Variants in TMC2 observed in about 807,000 individuals in gnomAD.
TMC2 encodes the protein transmembrane channel like 2.
A neutral mutation model predicts 105.9 loss-of-function variants in TMC2; 102 were observed. The observed-to-expected ratio is 0.96, with a 90% CI of 0.82 to 1.14. TMC2 has a LOEUF of 1.14. Ranked by LOEUF, TMC2 falls within the 50% of genes most tolerant of loss-of-function variation. The pLI is 0.00. For synonymous variants in TMC2, 402 were observed against 422.8 expected (o/e 0.95, Z 0.60); for missense variants, 1,093 against 1,134.3 (o/e 0.96, Z 0.52).
Position 2,643,226 on chromosome 20 carries a change from C to G in TMC2, c.*1875C>G, listed in dbSNP as rs4815449. Reference sequence around the variant, plus strand: ...CTGCCTGTGTGTCATATGCCTTCCCCCAAGCTAACCTACCTGAAACCTCAG... The same window carrying G: ...CTGCCTGTGTGTCATATGCCTTCCCGCAAGCTAACCTACCTGAAACCTCAG... On this transcript the variant is annotated 3_prime_UTR_variant, in exon 20 of 20. Transcript: ENST00000358864. 0.62 allele frequency among the ~76,000 whole-genome samples: 93,580 copies of G among 151,962 alleles called. 29,199 individuals are homozygous for G. Among genetic ancestry groups the G allele is most frequent in the East Asian group, 0.86 (4,419 of 5,164 alleles).
intron 2 of TMC2, among the ~76,000 whole-genome samples, chr20:2,557,013 C>T (rs1718581689): frequency 6.6e-6 from 1 of 151,792 alleles, no homozygotes; most frequent in Non-Finnish European, 1.5e-5. Flanking sequence ...AAGATTTTAT[C>T]TTTGTCTTTG....
chr20:2,537,048 G>GTCTC (rs2085854587), intron 1 of TMC2, among the ~76,000 whole-genome samples: 1 of 152,194 alleles, frequency 6.6e-6, no homozygotes, highest in Admixed American at 6.5e-5. Flanking sequence ...CTCTGTCTCT[G>GTCTC]TGCAGGGCAG....
chr20:2,621,133 C>T (rs985306044), intron 16 of TMC2, among the ~76,000 whole-genome samples: 6 of 151,986 alleles, frequency 3.9e-5, no homozygotes, highest in South Asian at 2.1e-4. Flanking sequence ...GAGGCTGAGG[C>T]GGGCAGATCA....
intron 3 of TMC2, among the ~76,000 whole-genome samples, chr20:2,560,698 G>A (rs568004967): frequency 5.3e-5 from 8 of 152,274 alleles, no homozygotes; most frequent in East Asian, 1.9e-4. Flanking sequence ...TTAGCCAGGC[G>A]TGGTGGCGGG....
At chr20:2,552,608 C>G (rs904113655) in intron 2 of TMC2, among the ~76,000 whole-genome samples, 6 of 152,108 alleles carry the variant, frequency 3.9e-5, no homozygotes, top group Non-Finnish European at 7.4e-5. Context: ...GTCCACCTCA[C>G]GAGTTCAAGG....
At chr20:2,557,812 C>T (rs963658389) in intron 2 of TMC2, among the ~76,000 whole-genome samples, 2 of 152,140 alleles carry the variant, frequency 1.3e-5, no homozygotes, top group Non-Finnish European at 2.9e-5. Context: ...GATGAAAGTG[C>T]GCCCCCACCA....
At chr20:2,536,779 T>G in intron 1 of TMC2, 124 bp downstream of exon 1, 16 of 1,042,024 alleles carry the variant, frequency 1.5e-5, no homozygotes, top group Non-Finnish European at 1.9e-5. Flanking sequence ...CCAGGGCCTG[T>G]CCCCTGTGCG....
intron 7 of TMC2, among the ~76,000 whole-genome samples, chr20:2,588,007 T>C (rs1393485202): frequency 1.3e-5 from 2 of 148,998 alleles, no homozygotes; most frequent in African/African-American, 5.2e-5. Flanking sequence ...CTCAATCTTG[T>C]ATAATCCCCC....
chr20:2,539,867 GAGA>G (rs1334577769), intron 2 of TMC2, among the ~76,000 whole-genome samples: 3 of 152,142 alleles, frequency 2.0e-5, no homozygotes, highest in South Asian at 2.1e-4. Context: ...CACAGGGAGT[GAGA>G]AGAAGAAAGA....
At chr20:2,582,170 A>C (rs1165444686) in intron 7 of TMC2, among the ~76,000 whole-genome samples, 2 of 152,232 alleles carry the variant, frequency 1.3e-5, no homozygotes, top group Admixed American at 6.5e-5. Flanking sequence ...TGCACGGACA[A>C]GTCTTGATGA....
Position 2,616,311 on chromosome 20 carries a change from G to C in TMC2, c.1940+107G>C. 1 of 907,734 alleles carries C rather than the reference G, an allele frequency of 1.1e-6. No homozygotes were observed. Among genetic ancestry groups the C allele is most frequent in the Non-Finnish European group, 1.8e-6 (1 of 546,126 alleles). 56.2% of individuals were successfully genotyped at this position (907,734 alleles called of 1,614,324 possible). A position where few individuals can be genotyped will look rare whatever the true frequency, so the allele number is the denominator to read the frequency against. On this transcript the variant is annotated intron_variant, in intron 15 of 19. Transcript: ENST00000358864. The surrounding 1 kb of genome is among the most constrained non-coding windows in gnomAD (Gnocchi z 4.8). ...TGGAAGAGGCTAGATAAGTCCTCTT[G>C]CCTCTCTGAACTCCCCTCTTTCACA...
rs1039093259 is a variant in TMC2 at position 2,558,139 on chromosome 20, C to T, written c.83-317C>T. On this transcript the variant is annotated intron_variant, in intron 2 of 19. Transcript: ENST00000358864. This position sits in a 1 kb window ranked among gnomAD's most constrained non-coding sequence, Gnocchi z 4.6. ...GGGGAAGTAGCAAGGCCTGTTTGTT[C>T]CGATTCCTCTTGGCCTCTCTGTGTG... is the stretch of plus-strand genomic sequence containing the variant. 1.1e-5 allele frequency: 4 copies of T among 371,514 alleles called. No individual in the cohort carries two copies. Among genetic ancestry groups the T allele is most frequent in the Non-Finnish European group, 1.9e-5 (4 of 207,370 alleles). The allele number at this position is 371,514 out of a possible 1,614,324, so 23.0% of individuals were successfully genotyped here.
chr20:2,592,541 T>C lies in TMC2; in HGVS notation c.933+133T>C. On this transcript the variant is annotated intron_variant, in intron 8 of 19. Coordinates refer to ENST00000358864, the MANE Select transcript of TMC2 (RefSeq NM_080751.3). The surrounding 1 kb of genome is among the most constrained non-coding windows in gnomAD (Gnocchi z 4.9). ...AATAGGATCCCAGCACTAAGCTAAA[T>C]GAGCTTGCAAACCATGTCTCTGCAC... 1 of 671,450 alleles carries C rather than the reference T, an allele frequency of 1.5e-6. No homozygotes were observed. 41.6% of individuals were successfully genotyped at this position (671,450 alleles called of 1,614,324 possible).
intron 17 of TMC2, among the ~76,000 whole-genome samples, chr20:2,626,203 AC>A (rs1449051425): frequency 2.0e-5 from 3 of 152,214 alleles, no homozygotes; most frequent in Non-Finnish European, 2.9e-5. Context: ...ATAAGAAACA[AC>A]CCCCAAAACT....
At chr20:2,613,359 A>G (rs762097800) in intron 14 of TMC2, 37 bp downstream of exon 14, 2 of 1,613,490 alleles carry the variant, frequency 1.2e-6, no homozygotes, top group Admixed American at 1.7e-5. Flanking sequence ...GCACAAAGGA[A>G]TTTCAACTAT....
At chr20:2,560,280 AT>A (rs975610874) in intron 3 of TMC2, among the ~76,000 whole-genome samples, 51 of 144,732 alleles carry the variant, frequency 3.5e-4, no homozygotes, top group South Asian at 2.4e-3. Context: ...AAAAAAAAAA[AT>A]ATCTCTGTGT....
intron 4 of TMC2, among the ~76,000 whole-genome samples, chr20:2,563,660 T>C (rs2086043262): frequency 6.6e-6 from 1 of 152,228 alleles, no homozygotes; most frequent in South Asian, 2.1e-4. Flanking sequence ...GTAATGCGTA[T>C]GTTAATTAAC....
Position 2,558,310 on chromosome 20 carries a change from C to T in TMC2, c.83-146C>T, listed in dbSNP as rs2085997046. 3 of 1,449,440 alleles carry T rather than the reference C, an allele frequency of 2.1e-6. No homozygotes were observed. In the African/African-American group the frequency reaches 4.3e-5, roughly 21 times the overall value. The allele number at this position is 1,449,440 out of a possible 1,614,324, so 89.8% of individuals were successfully genotyped here. A position where few individuals can be genotyped will look rare whatever the true frequency, so the allele number is the denominator to read the frequency against. On this transcript the variant is annotated intron_variant, in intron 2 of 19. Coordinates refer to ENST00000358864, the MANE Select transcript of TMC2 (RefSeq NM_080751.3). This position sits in a 1 kb window ranked among gnomAD's most constrained non-coding sequence, Gnocchi z 4.6. ...TTAAAATACTCAACATGCCAAGGTG[C>T]CATACTTTGGGGTGTCCTGTTCTGA...
In TMC2 at chr20:2,543,558, G is replaced by A. The variant is rs1210326844; in HGVS notation, c.82+6242G>A. ...TAGAGCCCAAATTGAAGAATTGACA[G>A]GTCTTTGGGAAAATCCTGTAATGAA... On this transcript the variant is annotated intron_variant, in intron 2 of 19. Coordinates refer to ENST00000358864, the MANE Select transcript of TMC2 (RefSeq NM_080751.3). Among the ~76,000 whole-genome samples, 9 of 152,192 alleles carry A rather than the reference G, an allele frequency of 5.9e-5. No homozygotes were observed. In the East Asian group the frequency reaches 7.7e-4, roughly 13 times the overall value.
Sources: gnomAD v4.1 joint callset for allele counts (sites outside exome capture counted in the v4.1 genomes callset) on GRCh38, gnomAD v4.1.1 for gene constraint, Gnocchi (gnomAD v3.1) non-coding constraint, MANE v1.5 for transcripts, NCBI Gene and HGNC (gene_info 2026-07-23, HGNC 2026-07-21) for gene names.